Variants in GPM6A observed in about 807,000 individuals in gnomAD.
GPM6A encodes glycoprotein M6A.
Under a neutral mutation model 32.1 loss-of-function variants are expected in GPM6A, and 7 were observed. The ratio of observed to expected loss-of-function variants is 0.22; its 90% CI spans 0.12 to 0.41. The LOEUF is 0.41. Among genes scored for constraint, GPM6A ranks in the 10% least tolerant of loss-of-function variants. GPM6A has a pLI of 1.00. For synonymous variants in GPM6A, 130 were observed against 123.4 expected, an observed-to-expected ratio of 1.05 and a Z score of -0.35; for missense variants, 235 against 347.2, an observed-to-expected ratio of 0.68 and a Z score of 2.57.
At chr4:175,729,146 C>T (rs956010494) in intron 1 of GPM6A, among the ~76,000 whole-genome samples, 9 of 152,168 alleles carry the variant, frequency 5.9e-5, no homozygotes, top group African/African-American at 1.9e-4. Context: ...TACCAAAACT[C>T]AAATCTCTGT....
chr4:175,712,813 T>G (rs1426999322), intron 1 of GPM6A, among the ~76,000 whole-genome samples: 1 of 152,178 alleles, frequency 6.6e-6, no homozygotes, highest in Non-Finnish European at 1.5e-5. Context: ...TATACAGAAG[T>G]GATCAAAAAA....
intron 6 of GPM6A, among the ~76,000 whole-genome samples, chr4:175,636,549 A>G (rs1354403335): frequency 2.7e-5 from 4 of 150,460 alleles, no homozygotes; most frequent in Non-Finnish European, 5.9e-5. Flanking sequence ...TAATCCCAGC[A>G]CTTTGGGAGG....
Position 175,905,851 on chromosome 4 carries a change from G to A in GPM6A, c.-22-93602C>T, listed in dbSNP as rs577969953. Among the ~76,000 whole-genome samples the A allele has an allele frequency of 4.4e-4, 67 of 151,974 alleles. 1 individual carries two copies. The South Asian group carries it at 0.014, about 32-fold the overall frequency. ...AAGATGCAATGCCTTTTGTCCTTTC[G>A]TCATTAAGAAAAAAAGAGCATTTTT... On this transcript the variant is annotated intron_variant, in intron 1 of 7. Transcript: ENST00000280187.
At chr4:175,721,850 G>A (rs1746151466) in intron 1 of GPM6A, among the ~76,000 whole-genome samples, 1 of 151,994 alleles carries the variant, frequency 6.6e-6, no homozygotes, top group Non-Finnish European at 1.5e-5. Context: ...GACTGAACTT[G>A]GAATTGAAAG....
At chr4:175,981,205 C>A (rs970302119) in intron 1 of GPM6A, among the ~76,000 whole-genome samples, 2 of 152,118 alleles carry the variant, frequency 1.3e-5, no homozygotes, top group East Asian at 3.9e-4. Context: ...AATGACCTAC[C>A]ACTCAAAATC....
chr4:175,887,046 T>C (rs1163195941), intron 1 of GPM6A, among the ~76,000 whole-genome samples: 1 of 152,002 alleles, frequency 6.6e-6, no homozygotes, highest in Non-Finnish European at 1.5e-5. Context: ...ACAAAAGTCA[T>C]TGTTATAGAA....
chr4:175,757,162 G>T (rs750290600), intron 1 of GPM6A, among the ~76,000 whole-genome samples: 1 of 152,026 alleles, frequency 6.6e-6, no homozygotes, highest in African/African-American at 2.4e-5. Context: ...TTATACAGGG[G>T]AGTGCTGCTT....
intron 1 of GPM6A, among the ~76,000 whole-genome samples, chr4:175,857,802 G>C (rs1042143566): frequency 3.3e-5 from 5 of 151,872 alleles, no homozygotes; most frequent in African/African-American, 1.2e-4. Context: ...TTCCACCTAA[G>C]ATCAGAAACA....
chr4:175,686,818 A>G (rs1214525961), intron 2 of GPM6A, among the ~76,000 whole-genome samples: 1 of 152,256 alleles, frequency 6.6e-6, no homozygotes. Context: ...AGATTGCTTG[A>G]AACAAATTCT....
intron 3 of GPM6A, among the ~76,000 whole-genome samples, chr4:175,661,284 A>T (rs954498164): frequency 6.6e-6 from 1 of 152,080 alleles, no homozygotes; most frequent in Non-Finnish European, 1.5e-5. Context: ...AAACATAAAA[A>T]TTAGCCAGGT....
intron 1 of GPM6A, among the ~76,000 whole-genome samples, chr4:175,913,428 C>T (rs1288489746): frequency 2.0e-5 from 3 of 152,162 alleles, no homozygotes; most frequent in Non-Finnish European, 4.4e-5. Context: ...AAAGTAGTAG[C>T]TGGTAATCCT....
chr4:175,867,493 T>A (rs774851274), intron 1 of GPM6A, among the ~76,000 whole-genome samples: 16 of 152,068 alleles, frequency 1.1e-4, no homozygotes, highest in Admixed American at 1.3e-4. Flanking sequence ...CCAGCACATT[T>A]GTTGAAAAAA....
intron 2 of GPM6A, among the ~76,000 whole-genome samples, chr4:175,674,552 G>A (rs745999475): frequency 2.0e-5 from 3 of 152,150 alleles, no homozygotes; most frequent in East Asian, 1.9e-4. Flanking sequence ...ATTTGTGTAT[G>A]TAACACTGGT....
chr4:175,932,335 A>G (rs1319747783), intron 1 of GPM6A, among the ~76,000 whole-genome samples: 1 of 152,130 alleles, frequency 6.6e-6, no homozygotes, highest in Non-Finnish European at 1.5e-5. Flanking sequence ...CTTGCCTTCC[A>G]TCTTCTGCCA....
At chr4:175,643,022 T>G (rs1158841498) in intron 4 of GPM6A, among the ~76,000 whole-genome samples, 2 of 152,112 alleles carry the variant, frequency 1.3e-5, no homozygotes, top group African/African-American at 4.8e-5. Flanking sequence ...TGAATTCTCT[T>G]TTTTCCCCCG....
chr4:175,773,086 G>C (rs909877800), intron 1 of GPM6A, among the ~76,000 whole-genome samples: 3 of 152,138 alleles, frequency 2.0e-5, no homozygotes, highest in Admixed American at 2.0e-4. Context: ...TTTTGGTGGT[G>C]ATTCCTTCTA....
chr4:175,851,741 G>A (rs1736265650), intron 1 of GPM6A, among the ~76,000 whole-genome samples: 1 of 152,184 alleles, frequency 6.6e-6, no homozygotes, highest in Non-Finnish European at 1.5e-5. Flanking sequence ...GGCAAGTCCA[G>A]TTCACGCATT....
At chr4:175,956,987 T>A (rs773142200) in intron 1 of GPM6A, among the ~76,000 whole-genome samples, 105 of 152,190 alleles carry the variant, frequency 6.9e-4, no homozygotes, top group Non-Finnish European at 1.4e-3. Flanking sequence ...ATATTCTCTA[T>A]CAAAATACAG....
At chr4:175,891,500 C>T (rs922939987) in intron 1 of GPM6A, 1 of 152,238 alleles carries the variant, frequency 6.6e-6, no homozygotes, top group Non-Finnish European at 1.5e-5. Flanking sequence ...TCCTTTCTAA[C>T]ACCCTCTTAC....
Sources: allele counts gnomAD v4.1 joint callset (sites outside exome capture counted in the v4.1 genomes callset), GRCh38; gene constraint gnomAD v4.1.1; transcripts MANE v1.5; gene names NCBI Gene and HGNC (gene_info 2026-07-23, HGNC 2026-07-21).